The following ABCB11 variants were observed in gnomAD, a reference collection of about 807,000 sequenced individuals.
ABCB11 encodes ATP binding cassette subfamily B member 11.
Under a neutral mutation model 148.0 loss-of-function variants are expected in ABCB11, and 95 were observed. The ratio of observed to expected loss-of-function variants is 0.64; its 90% CI spans 0.54 to 0.76. ABCB11 has a LOEUF of 0.76. ABCB11 is among the 30% of genes least tolerant of loss of function. The probability of loss-of-function intolerance (pLI) is 0.00; values close to 1 mark genes in which losing one functional copy is unlikely to be tolerated. For missense variants in ABCB11, 1,523 were observed against 1,617.8 expected, an observed-to-expected ratio of 0.94 and a Z score of 1.01; for synonymous variants, 591 against 555.4, an observed-to-expected ratio of 1.06 and a Z score of -0.90.
downstream of ABCB11, among the ~76,000 whole-genome samples, chr2:168,920,204 T>G (rs1691033554): frequency 6.6e-6 from 1 of 152,060 alleles, no homozygotes. Context: ...TGTCACACAT[T>G]CCTCCTTCTC....
intron 8 of ABCB11, among the ~76,000 whole-genome samples, chr2:168,991,667 G>T (rs1000223974): frequency 1.3e-5 from 2 of 151,944 alleles, no homozygotes; most frequent in African/African-American, 4.8e-5. Context: ...TCTTCCAGTA[G>T]TTTTTCCAAA....
chr2:169,029,973 C>A (rs1477122113), intron 1 of ABCB11, among the ~76,000 whole-genome samples: 1 of 150,810 alleles, frequency 6.6e-6, no homozygotes, highest in East Asian at 2.0e-4. Context: ...ATCTCTTGAC[C>A]TCATGATCCA....
At chr2:168,975,590 C>T (rs143654751) in intron 12 of ABCB11, among the ~76,000 whole-genome samples, 2,580 of 19,584 alleles carry the variant, frequency 0.13, 1,092 homozygotes, top group East Asian at 0.35. Context: ...TATATAAATA[C>T]ATAAATATTT....
Position 168,936,558 on chromosome 2 carries a change from T to C in ABCB11, c.2611-125A>G, listed in dbSNP as rs1691838977. On this transcript the variant is annotated intron_variant, in intron 21 of 27. Transcript: ENST00000650372. ...ATATACATAACAATATATATCATTT[T>C]AACCATTCTTAAGTGTACAATTCAG... The C allele has an allele frequency of 1.8e-5, 15 of 830,768 alleles. No individual in the cohort carries two copies. In the South Asian group the frequency reaches 2.6e-4, roughly 14 times the overall value. The allele number at this position is 830,768 out of a possible 1,614,324, so 51.5% of individuals were successfully genotyped here. A position where few individuals can be genotyped will look rare whatever the true frequency, so the allele number is the denominator to read the frequency against.
chr2:168,923,320 C>G lies in ABCB11; in HGVS notation c.*302G>C. 6.4e-6 allele frequency: 3 copies of G among 470,786 alleles called. No individual in the cohort carries two copies. Among genetic ancestry groups the G allele is most frequent in the Admixed American group, 3.5e-5 (1 of 28,238 alleles). The allele number at this position is 470,786 out of a possible 1,614,324, so 29.2% of individuals were successfully genotyped here. Reference sequence around the variant, plus strand: ...ACTAATTCCCACATATTAATCAGGACTGGCTCCTGCACAGAGAAGCACTGA... The same window carrying G: ...ACTAATTCCCACATATTAATCAGGAGTGGCTCCTGCACAGAGAAGCACTGA... On this transcript the variant is annotated 3_prime_UTR_variant, in exon 28 of 28. Coordinates refer to ENST00000650372, the MANE Select transcript of ABCB11 (RefSeq NM_003742.4).
At chr2:168,986,488 C>T (rs1017481866) in intron 9 of ABCB11, among the ~76,000 whole-genome samples, 4 of 151,908 alleles carry the variant, frequency 2.6e-5, no homozygotes, top group Admixed American at 2.0e-4. Context: ...GTTGAAAGGG[C>T]GATACTTAAC....
chr2:168,923,808 A>G lies in ABCB11; in HGVS notation c.3780T>C (p.Ala1260=). The G allele has an allele frequency of 6.2e-7, 1 of 1,613,976 alleles. No individual in the cohort carries two copies. The highest frequency in any genetic ancestry group is 1.1e-5 in the South Asian group (1 of 91,072). ...DTESEKTVQV[A]LDKAREGRTC... is the part of the protein sequence containing the mutation. ...TCCGACCCTCTCTGGCTTTGTCTAGAGCAACCTGCACCGTCTGCAAAGAGA... is the reference window on the plus strand; with the variant it reads ...TCCGACCCTCTCTGGCTTTGTCTAGGGCAACCTGCACCGTCTGCAAAGAGA... The change falls in exon 28 of 28, where the codon GCT becomes GCC. Residue 1260 remains alanine, a synonymous_variant. Transcript: ENST00000650372.
intron 9 of ABCB11, among the ~76,000 whole-genome samples, chr2:168,987,939 T>C (rs1409677728): frequency 1.3e-5 from 2 of 152,160 alleles, no homozygotes; most frequent in Non-Finnish European, 2.9e-5. Flanking sequence ...GTATAAATTG[T>C]GGAATGGCTA....
At chr2:168,931,667 T>C (rs1691573195) in intron 24 of ABCB11, among the ~76,000 whole-genome samples, 1 of 152,194 alleles carries the variant, frequency 6.6e-6, no homozygotes, top group Non-Finnish European at 1.5e-5. Context: ...ACATTCTGTA[T>C]CAGAACATCA....
intron 25 of ABCB11, among the ~76,000 whole-genome samples, chr2:168,930,104 C>G (rs1350280358): frequency 2.0e-5 from 3 of 151,938 alleles, no homozygotes; most frequent in African/African-American, 7.3e-5. Context: ...AAAAAAAGGA[C>G]AGAAAAGAGA....
At chr2:168,942,763 A>T (rs1422499970) in intron 21 of ABCB11, among the ~76,000 whole-genome samples, 1 of 151,570 alleles carries the variant, frequency 6.6e-6, no homozygotes, top group Non-Finnish European at 1.5e-5. Context: ...TACAAAAATT[A>T]AAAAAAATTA....
rs58414999 is a variant in ABCB11, at chr2:168,921,863, CTT to C, written c.*1757_*1758del. Reference sequence around the variant, plus strand: ...CTTGACCTCTTTTCTTTTTCTTTTTCTTTTTTTTTTTTTTTCGCTCTGTCGCC... The same window carrying C: ...CTTGACCTCTTTTCTTTTTCTTTTTCTTTTTTTTTTTTTCGCTCTGTCGCC... On this transcript the variant is annotated 3_prime_UTR_variant, in exon 28 of 28. Transcript: ENST00000650372. Among the ~76,000 whole-genome samples, 5 of 123,852 alleles carry C rather than the reference CTT, an allele frequency of 4.0e-5. No homozygotes were observed. The highest frequency in any genetic ancestry group is 3.4e-5 in the Non-Finnish European group (2 of 59,524). 81.3% of individuals were successfully genotyped at this position (123,852 alleles called of 152,430 possible). A position where few individuals can be genotyped will look rare whatever the true frequency, so the allele number is the denominator to read the frequency against.
chr2:168,958,080 T>C lies in ABCB11; in HGVS notation c.2227A>G (p.Arg743Gly). ...QEEVEPAPVR[R>G]ILKFSAPEWP... ...TCTGGAGCACTGAATTTCAGAATCC[T>C]CCTAACTGGGGCAGGTTCAACTTCT... is the stretch of plus-strand genomic sequence containing the variant. Residue 743 changes from arginine to glycine, a missense_variant, in exon 19 of 28, where the codon AGG (arginine) becomes GGG (glycine). By Grantham distance (125) the Arg-to-Gly change is moderately radical (BLOSUM62 -2). Coordinates refer to ENST00000650372, the MANE Select transcript of ABCB11 (RefSeq NM_003742.4). The C allele has an allele frequency of 6.2e-7, 1 of 1,611,336 alleles. No homozygotes were observed. Among genetic ancestry groups the C allele is most frequent in the South Asian group, 1.1e-5 (1 of 90,982 alleles).
intron 19 of ABCB11, among the ~76,000 whole-genome samples, chr2:168,954,210 G>C (rs941823043): frequency 7.7e-6 from 1 of 129,554 alleles, no homozygotes. Flanking sequence ...TTTATAAATT[G>C]TTTCCCTCTT....
intron 1 of ABCB11, among the ~76,000 whole-genome samples, chr2:169,020,852 C>T (rs1392249745): frequency 6.6e-6 from 1 of 151,982 alleles, no homozygotes; most frequent in Non-Finnish European, 1.5e-5. Flanking sequence ...TATTGAAAAC[C>T]ATTGAATACT....
chr2:168,959,957 A>C (rs1006550991), intron 18 of ABCB11, among the ~76,000 whole-genome samples: 14 of 142,786 alleles, frequency 9.8e-5, no homozygotes, highest in Non-Finnish European at 1.6e-4. Flanking sequence ...AAAAAAAAAA[A>C]AACCCGAATA....
chr2:169,002,073 A>C (rs1250280308), intron 5 of ABCB11, among the ~76,000 whole-genome samples: 1 of 152,210 alleles, frequency 6.6e-6, no homozygotes, highest in Non-Finnish European at 1.5e-5. Flanking sequence ...AAGATAGAAA[A>C]ACAAAATCAT....
At chr2:169,001,998 T>C (rs1478063087) in intron 5 of ABCB11, among the ~76,000 whole-genome samples, 1 of 152,036 alleles carries the variant, frequency 6.6e-6, no homozygotes, top group Non-Finnish European at 1.5e-5. Context: ...TAAAACAAGA[T>C]CCAACTATGT....
chr2:168,989,848 C>T (rs1288906911), intron 9 of ABCB11, among the ~76,000 whole-genome samples: 1 of 151,980 alleles, frequency 6.6e-6, no homozygotes, highest in African/African-American at 2.4e-5. Flanking sequence ...AATGCTTTTT[C>T]AGCATCTATT....
Sources: gnomAD v4.1 joint callset for allele counts (sites outside exome capture counted in the v4.1 genomes callset) on GRCh38, gnomAD v4.1.1 for gene constraint, MANE v1.5 for transcripts, NCBI Gene and HGNC (gene_info 2026-07-23, HGNC 2026-07-21) for gene names.